Variants in COL4A2 observed in about 807,000 individuals in gnomAD.
COL4A2 encodes collagen type IV alpha 2 chain, also known as collagen alpha-2(IV) chain.
A neutral mutation model predicts 200.2 loss-of-function variants in COL4A2; 99 were observed. The observed-to-expected ratio is 0.49, with a 90% CI of 0.42 to 0.58. The LOEUF (loss-of-function observed/expected upper bound fraction) is 0.58, where lower values mean the gene tolerates loss of function less well. Among genes scored for constraint, COL4A2 ranks in the 20% least tolerant of loss-of-function variants. COL4A2 has a pLI of 0.00. For missense variants in COL4A2, 1,950 were observed against 2,314.1 expected, an observed-to-expected ratio of 0.84 and a Z score of 3.23; for synonymous variants, 897 against 900.6, an observed-to-expected ratio of 1.00 and a Z score of 0.07.
At chr13:110,503,515 G>A in intron 43 of COL4A2, 34 bp downstream of exon 43, 1 of 1,307,604 alleles carries the variant, frequency 7.6e-7, no homozygotes, top group Non-Finnish European at 1.1e-6. Context: ...AGAGCTAGTG[G>A]CTCAGCCCAG....
intron 3 of COL4A2, among the ~76,000 whole-genome samples, chr13:110,311,159 G>A (rs766763965): frequency 6.6e-6 from 1 of 152,132 alleles, no homozygotes; most frequent in Non-Finnish European, 1.5e-5. Context: ...CTCCCACTGT[G>A]AGGATCAGGG....
At chr13:110,377,479 C>T (rs1274515888) in intron 4 of COL4A2, among the ~76,000 whole-genome samples, 1 of 152,232 alleles carries the variant, frequency 6.6e-6, no homozygotes, top group Non-Finnish European at 1.5e-5. Flanking sequence ...CAGGACCCCG[C>T]ACATCCCTGC....
intron 29 of COL4A2, 131 bp downstream of exon 29, chr13:110,473,281 T>G: frequency 1.3e-6 from 1 of 756,380 alleles, no homozygotes; most frequent in Non-Finnish European, 2.1e-6. Context: ...GCGTACCTTC[T>G]CCCATGGCCT....
At position 110,424,766 on chromosome 13, in the gene COL4A2, C is replaced by T; in HGVS notation, c.213C>T (p.Tyr71=). 6.2e-7 allele frequency: 1 copy of T among 1,612,238 alleles called. No homozygotes were observed. The highest frequency in any genetic ancestry group is 1.1e-5 in the South Asian group (1 of 91,008). ...CTGGGCCAGTGGGCCCCCAGGGGTACAATGGGCCACCAGGATTACAAGGAT... is the reference window on the plus strand; with the variant it reads ...CTGGGCCAGTGGGCCCCCAGGGGTATAATGGGCCACCAGGATTACAAGGAT... ...GQPGPVGPQG[Y]NGPPGLQGFP... is the part of the protein sequence containing the mutation. Residue 71 remains tyrosine (Y), a synonymous_variant, in exon 5 of 48, where the codon TAC becomes TAT. Transcript: ENST00000360467.
At chr13:110,444,048 ACT>A (rs766850491) in intron 16 of COL4A2, among the ~76,000 whole-genome samples, 34 of 151,730 alleles carry the variant, frequency 2.2e-4, no homozygotes, top group Non-Finnish European at 4.9e-4. Context: ...GCCGCTGGGA[ACT>A]CCCCTGGAAA....
intron 4 of COL4A2, among the ~76,000 whole-genome samples, chr13:110,402,845 A>G: frequency 6.9e-6 from 1 of 145,378 alleles, no homozygotes; most frequent in African/African-American, 2.5e-5. Context: ...AGGTGGCCAC[A>G]TTCTCACAGC....
chr13:110,408,288 T>A (rs1395459410), intron 4 of COL4A2, among the ~76,000 whole-genome samples: 2 of 152,162 alleles, frequency 1.3e-5, no homozygotes, highest in East Asian at 3.9e-4. Flanking sequence ...TGCAGGCCCT[T>A]GAAGAAGAGT....
At chr13:110,503,752 A>G in intron 43 of COL4A2, 95 bp from the exon 44 acceptor site, 12 of 1,481,868 alleles carry the variant, frequency 8.1e-6, no homozygotes, top group Non-Finnish European at 1.1e-5. Flanking sequence ...GGAAGCTCCA[A>G]AAGAAGCCTC....
chr13:110,462,020 G>A (rs1235707937), intron 22 of COL4A2, 94 bp from the exon 23 acceptor site: 3 of 1,547,342 alleles, frequency 1.9e-6, no homozygotes, highest in Non-Finnish European at 2.6e-6. Flanking sequence ...GTGACTGCCT[G>A]CCAGCTGTGT....
intron 3 of COL4A2, among the ~76,000 whole-genome samples, chr13:110,315,142 T>A (rs1300560648): frequency 6.6e-6 from 1 of 151,710 alleles, no homozygotes; most frequent in Non-Finnish European, 1.5e-5. Context: ...CTGTCTGCAC[T>A]CCAGGCCTTA....
rs766265598 is a variant in COL4A2, at chr13:110,307,947, G to A, written c.44G>A (p.Arg15Gln). 2 of 1,612,900 alleles carry A rather than the reference G, an allele frequency of 1.2e-6. No homozygotes were observed. Among genetic ancestry groups the A allele is most frequent in the South Asian group, 2.2e-5 (2 of 90,970 alleles). The change falls in exon 2 of 48, where the codon CGG becomes CAG. Residue 15 changes from arginine to glutamine, a missense_variant and splice_region_variant. Transcript: ENST00000360467. This position sits in a 1 kb window ranked among gnomAD's most constrained non-coding sequence, Gnocchi z 5.0. ...GCGGTGGCCGGCCCTGCCCTACGGC[G>A]GTAAGCGACTTTCTGCCTGGTCCCC... Reference protein sequence around the residue: ...QRAVAGPALRRWLLLGTVTVG... With the variant: ...QRAVAGPALRQWLLLGTVTVG...
chr13:110,418,919 A>G (rs725929), intron 4 of COL4A2, among the ~76,000 whole-genome samples: 148,565 of 152,354 alleles, frequency 0.98, 72,541 homozygotes, highest in East Asian at 1. Context: ...CCATCCTCAA[A>G]ATCAACGAAT....
chr13:110,383,500 A>G (rs1467998950), intron 4 of COL4A2, among the ~76,000 whole-genome samples: 1 of 150,054 alleles, frequency 6.7e-6, no homozygotes, highest in Non-Finnish European at 1.5e-5. Flanking sequence ...TCAAGAATAG[A>G]TTTTGTTGGG....
Position 110,503,993 on chromosome 13 carries a change from G to C in COL4A2, c.4285G>C (p.Gly1429Arg), listed in dbSNP as rs1370359381. ...GCCCCAGGGCCCCCCCGGAGAACCAGGTAGAGTGCTGAGCTGGGGCCTGGA... is the reference window on the plus strand; with the variant it reads ...GCCCCAGGGCCCCCCCGGAGAACCACGTAGAGTGCTGAGCTGGGGCCTGGA... ...MGPQGPPGEPGFRGAPGKAGP... is the reference protein window; with the variant it reads ...MGPQGPPGEPRFRGAPGKAGP... Residue 1429 changes from glycine (G) to arginine (R), a missense_variant and splice_region_variant, in exon 44 of 48, where the codon GGT becomes CGT. Coordinates refer to ENST00000360467, the MANE Select transcript of COL4A2 (RefSeq NM_001846.4). The C allele has an allele frequency of 6.4e-7, 1 of 1,558,318 alleles. No homozygotes were observed. The highest frequency in any genetic ancestry group is 2.1e-5 in the Admixed American group (1 of 48,654).
chr13:110,506,091 C>T (rs1409717076), intron 45 of COL4A2, among the ~76,000 whole-genome samples: 1 of 152,184 alleles, frequency 6.6e-6, no homozygotes, highest in Non-Finnish European at 1.5e-5. Context: ...CCCTGCACTC[C>T]TGGGTCCCGA....
At chr13:110,382,872 T>C (rs1277177877) in intron 4 of COL4A2, among the ~76,000 whole-genome samples, 2 of 152,248 alleles carry the variant, frequency 1.3e-5, no homozygotes, top group Admixed American at 6.5e-5. Context: ...CCGCAGATAA[T>C]TTTTTAAAGA....
chr13:110,318,314 G>T (rs561410434), intron 3 of COL4A2, among the ~76,000 whole-genome samples: 3 of 148,662 alleles, frequency 2.0e-5, no homozygotes, highest in African/African-American at 7.6e-5. Context: ...GTGTGTGTGC[G>T]CGCGGGTATG....
intron 16 of COL4A2, among the ~76,000 whole-genome samples, chr13:110,441,874 G>A (rs1264307054): frequency 6.6e-6 from 1 of 151,158 alleles, no homozygotes. Flanking sequence ...GAGGTCAGGA[G>A]TTCAAGACCA....
At chr13:110,346,567 G>A (rs1305637754) in intron 3 of COL4A2, among the ~76,000 whole-genome samples, 5 of 152,064 alleles carry the variant, frequency 3.3e-5, no homozygotes, top group Admixed American at 6.5e-5. Context: ...CCAGTGCTCC[G>A]AGATGGAAAT....
Sources: gnomAD v4.1 joint callset for allele counts (sites outside exome capture counted in the v4.1 genomes callset) on GRCh38, gnomAD v4.1.1 for gene constraint, Gnocchi (gnomAD v3.1) non-coding constraint, MANE v1.5 for transcripts, NCBI Gene and HGNC (gene_info 2026-07-23, HGNC 2026-07-21) for gene names.